Variants in CYP24A1 observed in about 807,000 individuals in gnomAD.
The protein encoded by CYP24A1 is 1,25-dihydroxyvitamin D(3) 24-hydroxylase, mitochondrial.
Under a neutral mutation model 62.4 loss-of-function variants are expected in CYP24A1, and 68 were observed. The observed-to-expected ratio is 1.09, with a 90% CI of 0.90 to 1.33. CYP24A1 has a LOEUF of 1.33. Among genes scored for constraint, CYP24A1 ranks in the 40% most tolerant of loss-of-function variants. The probability of loss-of-function intolerance (pLI) is 0.00; values close to 1 mark genes in which losing one functional copy is unlikely to be tolerated. For missense variants in CYP24A1, 787 were observed against 653.0 expected, an observed-to-expected ratio of 1.21 and a Z score of -2.24; for synonymous variants, 267 against 253.0, an observed-to-expected ratio of 1.06 and a Z score of -0.52.
intron 4 of CYP24A1, among the ~76,000 whole-genome samples, chr20:54,166,439 C>T (rs1022804078): frequency 2.0e-5 from 3 of 152,070 alleles, no homozygotes; most frequent in African/African-American, 7.2e-5. Flanking sequence ...TACCTGAATC[C>T]CCCGAACTCA....
In CYP24A1 at chr20:54,165,787, C is replaced by A; in HGVS notation, c.687G>T (p.Lys229Asn). 1 of 1,546,042 alleles carries A rather than the reference C, an allele frequency of 6.5e-7. No individual in the cohort carries two copies. The highest frequency in any genetic ancestry group is 8.9e-7 in the Non-Finnish European group (1 of 1,117,652). ...LYEKRFGLLQ[K>N]NAGDEAVNFI... ...AGTTCACAGCTTCATCCCCTGCATT[C>A]TTCTGGAGAAGCCCAAATCTCTTCT... Residue 229 changes from lysine to asparagine, a missense_variant, in exon 5 of 12, where the codon AAG (lysine) becomes AAT (asparagine). Lys to Asn is a moderately conservative substitution (Grantham distance 94, BLOSUM62 0). Transcript: ENST00000216862.
intron 7 of CYP24A1, among the ~76,000 whole-genome samples, chr20:54,159,401 T>TTTTC (rs1555889326): frequency 1.3e-5 from 2 of 150,896 alleles, no homozygotes; most frequent in Admixed American, 6.6e-5. Flanking sequence ...AATACAGTTT[T>TTTTC]TTTTTTTTTT....
chr20:54,165,939 G>A, intron 4 of CYP24A1, 106 bp from the exon 5 acceptor site: 1 of 797,754 alleles, frequency 1.3e-6, no homozygotes, highest in Admixed American at 1.9e-5. Flanking sequence ...TAAAAGTGTG[G>A]GATTTTCTGA....
Position 54,165,851 on chromosome 20 carries a change from C to T in CYP24A1, c.641-18G>A. ...GCAGATACCTGTCATTTAAAATAAT[C>T]ATCACTTTACACAAACAGCAATGCT... On this transcript the variant is annotated intron_variant, in intron 4 of 11. Coordinates refer to ENST00000216862, the MANE Select transcript of CYP24A1 (RefSeq NM_000782.5). The T allele has an allele frequency of 9.1e-7, 1 of 1,093,438 alleles. No individual in the cohort carries two copies. The highest frequency in any genetic ancestry group is 1.2e-5 in the South Asian group (1 of 80,744). The allele number at this position is 1,093,438 out of a possible 1,614,324, so 67.7% of individuals were successfully genotyped here.
At chr20:54,149,007 C>A (rs2092608646), downstream of CYP24A1, among the ~76,000 whole-genome samples, 1 of 152,150 alleles carries the variant, frequency 6.6e-6, no homozygotes, top group Non-Finnish European at 1.5e-5. Flanking sequence ...TCCCCTTGTT[C>A]TTCCCCATCC....
At chr20:54,163,982 A>G (rs866486158) in intron 6 of CYP24A1, among the ~76,000 whole-genome samples, 7 of 152,138 alleles carry the variant, frequency 4.6e-5, no homozygotes, top group Middle Eastern at 3.2e-3. Context: ...GCCTCCCAAG[A>G]TGGAGTGCAG....
intron 8 of CYP24A1, 67 bp from the exon 9 acceptor site, chr20:54,158,231 A>G: frequency 6.2e-7 from 1 of 1,604,004 alleles, no homozygotes; most frequent in Non-Finnish European, 8.5e-7. Context: ...TGTCAATGGG[A>G]ATGCAGATTG....
intron 2 of CYP24A1, chr20:54,171,925 A>C: frequency 1.1e-6 from 1 of 872,130 alleles, no homozygotes; most frequent in South Asian, 1.8e-5. Context: ...AAGTCCAGAT[A>C]ATTTGGGTTC....
At chr20:54,144,439 G>A in the CYP24A1 span, among the ~76,000 whole-genome samples, 230 of 151,284 alleles carry the variant, frequency 1.5e-3, 1 homozygote, top group African/African-American at 5.4e-3. Context: ...AGTTTTTGTA[G>A]AGATGAAGTC....
chr20:54,162,758 A>T lies in CYP24A1; in HGVS notation c.949T>A (p.Tyr317Asn), dbSNP rs1447947665. 6.3e-7 allele frequency: 1 copy of T among 1,598,474 alleles called. No homozygotes were observed. Among genetic ancestry groups the T allele is most frequent in the Admixed American group, 1.7e-5 (1 of 59,970 alleles). Residue 317 changes from tyrosine to asparagine, a missense_variant, in exon 7 of 12, where the codon TAT becomes AAT. Coordinates refer to ENST00000216862, the MANE Select transcript of CYP24A1 (RefSeq NM_000782.5). ...HQNRLSKKEL[Y>N]AAVTELQLAA... ...AGCTGGAGCTCTGTGACAGCAGCAT[A>T]CAATTCTTTCTTTGAAAGCCGATTC...
downstream of CYP24A1, among the ~76,000 whole-genome samples, chr20:54,150,513 A>G (rs2092610992): frequency 6.6e-6 from 1 of 152,074 alleles, no homozygotes; most frequent in South Asian, 2.1e-4. Flanking sequence ...TTTAGTACAG[A>G]TGGGGTTTTG....
intron 2 of CYP24A1, 90 bp downstream of exon 2, chr20:54,172,819 G>A: frequency 1.9e-6 from 3 of 1,600,576 alleles, no homozygotes; most frequent in Non-Finnish European, 2.5e-6. Context: ...CCAACCCCAG[G>A]GAACTCTAAC....
At chr20:54,155,881 G>T (rs1302005236) in intron 11 of CYP24A1, among the ~76,000 whole-genome samples, 2 of 151,418 alleles carry the variant, frequency 1.3e-5, no homozygotes, top group Non-Finnish European at 2.9e-5. Context: ...TATTACTCAG[G>T]ACGAGGCCAA....
At chr20:54,161,209 C>G (rs974612297) in intron 7 of CYP24A1, among the ~76,000 whole-genome samples, 1 of 152,234 alleles carries the variant, frequency 6.6e-6, no homozygotes. Context: ...GCCCCAGGGC[C>G]TTTGCATGGG....
rs749957831 is a variant in CYP24A1 at position 54,173,554 on chromosome 20, C to A, written c.26G>T (p.Arg9Leu). The change falls in exon 1 of 12, where the codon CGC becomes CTC. Residue 9 changes from arginine (R) to leucine (L), a missense_variant. Physicochemically the swap from Arg to Leu is moderately radical, Grantham distance 102. Transcript: ENST00000216862. The surrounding 1 kb of genome is among the most constrained non-coding windows in gnomAD (Gnocchi z 7.2). ...CTGCTGCAGGAAGGCGGCAAGCGAG[C>A]GGCTCTTGCTGATGGGGGAGCTCAT... Reference protein sequence around the residue: MSSPISKSRSLAAFLQQLR... With the variant: MSSPISKSLSLAAFLQQLR... 6 of 1,581,222 alleles carry A rather than the reference C, an allele frequency of 3.8e-6. No homozygotes were observed. In the South Asian group the frequency reaches 6.8e-5, roughly 18 times the overall value.
chr20:54,151,288 G>A (rs921801911), downstream of CYP24A1, among the ~76,000 whole-genome samples: 2 of 152,112 alleles, frequency 1.3e-5, no homozygotes, highest in African/African-American at 2.4e-5. Flanking sequence ...TCCTGGCGCT[G>A]GTGGGAGTGC....
At chr20:54,159,542 C>T (rs145434192) in intron 7 of CYP24A1, among the ~76,000 whole-genome samples, 7,455 of 152,038 alleles carry the variant, frequency 0.049, 292 homozygotes, top group Non-Finnish European at 0.073. Context: ...CTACAGGCAT[C>T]CACCACCATG....
At position 54,162,827 on chromosome 20, in the gene CYP24A1, A is replaced by G; in HGVS notation, c.880T>C (p.Ser294Pro). Residue 294 changes from serine (S) to proline (P), a missense_variant, in exon 7 of 12, where the codon TCT (serine) becomes CCT (proline). Ser to Pro is a moderately conservative substitution (Grantham distance 74). Transcript: ENST00000216862. ...AGGAAATCTGCACTAGGCTGCTGAG[A>G]ATACTTCTCTAACCGGTTGTCGATA... is the stretch of plus-strand genomic sequence containing the variant. ...ACIDNRLEKY[S>P]QQPSADFLCD... is the part of the protein sequence containing the mutation. The G allele has an allele frequency of 1.3e-6, 2 of 1,564,062 alleles. No homozygotes were observed. Among genetic ancestry groups the G allele is most frequent in the Non-Finnish European group, 1.8e-6 (2 of 1,134,432 alleles).
In CYP24A1 at chr20:54,173,591, A is replaced by T. The variant is rs775539697; in HGVS notation, c.-12T>A. ...ATGGGGGAGCTCATGGCAGCGGGGG[A>T]CACCGGAGCGCGGGAAGGCAGGAGG... On this transcript the variant is annotated 5_prime_UTR_variant, in exon 1 of 12. Coordinates refer to ENST00000216862, the MANE Select transcript of CYP24A1 (RefSeq NM_000782.5). The surrounding 1 kb of genome is among the most constrained non-coding windows in gnomAD (Gnocchi z 7.2). 1.2e-5 allele frequency: 19 copies of T among 1,565,136 alleles called. No individual in the cohort carries two copies. The African/African-American group carries it at 2.3e-4, about 19-fold the overall frequency.
Sources: gnomAD v4.1 joint callset for allele counts (sites outside exome capture counted in the v4.1 genomes callset) on GRCh38, gnomAD v4.1.1 for gene constraint, Gnocchi (gnomAD v3.1) non-coding constraint, MANE v1.5 for transcripts, NCBI Gene and HGNC (gene_info 2026-07-23, HGNC 2026-07-21) for gene names.